Variants in NLRC4 observed in about 807,000 individuals in gnomAD.
NLRC4 encodes NLR family CARD domain-containing protein 4.
NLRC4 carries 63 observed loss-of-function variants against 79.9 expected under a neutral mutation model. That is an observed-to-expected ratio of 0.79 (90% CI 0.64 to 0.97). NLRC4 has a LOEUF of 0.97. NLRC4 is among the 50% of genes least tolerant of loss of function. The pLI is 0.00. For missense variants in NLRC4, 1,074 were observed against 1,215.2 expected (o/e 0.88, Z 1.73); for synonymous variants, 461 against 456.5 (o/e 1.01, Z -0.12).
At chr2:32,262,234 C>T (rs769275208) in intron 1 of NLRC4, among the ~76,000 whole-genome samples, 3 of 152,160 alleles carry the variant, frequency 2.0e-5, no homozygotes, top group Admixed American at 2.0e-4. Flanking sequence ...GACTGGCACA[C>T]AGGAAGGACT....
intron 8 of NLRC4, among the ~76,000 whole-genome samples, chr2:32,229,012 C>G (rs1230553369): frequency 1.3e-5 from 2 of 151,992 alleles, no homozygotes; most frequent in Non-Finnish European, 2.9e-5. Flanking sequence ...GTGATACACC[C>G]ACCTTGGCCT....
At chr2:32,236,864 GA>G (rs1020998082) in intron 6 of NLRC4, among the ~76,000 whole-genome samples, 52 of 64,578 alleles carry the variant, frequency 8.1e-4, no homozygotes, top group Admixed American at 1.1e-3. Flanking sequence ...AAATGGATGA[GA>G]AAAAAAACAA....
At chr2:32,259,638 C>A (rs1349759758) in intron 1 of NLRC4, among the ~76,000 whole-genome samples, 1 of 152,092 alleles carries the variant, frequency 6.6e-6, no homozygotes, top group African/African-American at 2.4e-5. Context: ...CTTTGATGAG[C>A]TGAAAAATGC....
intron 8 of NLRC4, among the ~76,000 whole-genome samples, chr2:32,225,570 C>T (rs1233436147): frequency 6.6e-6 from 1 of 152,140 alleles, no homozygotes; most frequent in Non-Finnish European, 1.5e-5. Flanking sequence ...TACCATCATA[C>T]AGATTGGCCA....
intron 6 of NLRC4, 112 bp downstream of exon 6, chr2:32,238,020 C>G: frequency 1.2e-4 from 81 of 663,010 alleles, no homozygotes; most frequent in Middle Eastern, 8.5e-4. Context: ...TTTTTATTTT[C>G]CAGTTTTCCT....
Position 32,250,748 on chromosome 2 carries a change from C to T in NLRC4, c.1116G>A (p.Gln372=). The change falls in exon 4 of 9, where the codon CAG becomes CAA. Residue 372 remains glutamine, a synonymous_variant. Coordinates refer to ENST00000402280, the MANE Select transcript of NLRC4 (RefSeq NM_001199138.2). This position sits in a 1 kb window ranked among gnomAD's most constrained non-coding sequence, Gnocchi z 4.9. ...LFHTFYDLLI[Q]KNKHKHKGVA... ...CACCTTTATGTTTGTGTTTGTTTTT[C>T]TGTATCAACAGATCATAGAAGGTAT... The T allele has an allele frequency of 6.2e-7, 1 of 1,614,208 alleles. No homozygotes were observed. Among genetic ancestry groups the T allele is most frequent in the East Asian group, 2.2e-5 (1 of 44,886 alleles).
chr2:32,247,624 AAT>A (rs1686968058), intron 4 of NLRC4, among the ~76,000 whole-genome samples: 1 of 151,868 alleles, frequency 6.6e-6, no homozygotes, highest in African/African-American at 2.4e-5. Flanking sequence ...TTTTAATAAA[AAT>A]AGTTTTAATA....
At chr2:32,225,409 ATGTGTGTGTGTGTGTGTGTGTG>A (rs35323064) in intron 8 of NLRC4, among the ~76,000 whole-genome samples, 13 of 149,080 alleles carry the variant, frequency 8.7e-5, no homozygotes, top group African/African-American at 2.5e-4. Flanking sequence ...CATACAAAGG[ATGTGTGTGTGTGTGTGTGTGTG>A]TGTGTGTGTG....
At chr2:32,244,552 A>T (rs1055060464) in intron 4 of NLRC4, among the ~76,000 whole-genome samples, 18 of 152,108 alleles carry the variant, frequency 1.2e-4, no homozygotes, top group African/African-American at 2.4e-4. Flanking sequence ...GGCAAAAAAA[A>T]AAAATAAATA....
intron 6 of NLRC4, 50 bp downstream of exon 6, chr2:32,238,082 C>T (rs1048344648): frequency 7.4e-7 from 1 of 1,342,338 alleles, no homozygotes; most frequent in Non-Finnish European, 1.0e-6. Context: ...ATAATAGTAT[C>T]ACATGTTCTG....
rs1573501528 is a variant in NLRC4 at position 32,256,623 on chromosome 2, G to A, written c.1+152C>T. On this transcript the variant is annotated intron_variant, in intron 2 of 8. Transcript: ENST00000402280. ...CCTTTTATCACAGGTTACCATATTT[G>A]TAACTGAATTCCTAAAACAACAGAA... The A allele has an allele frequency of 1.6e-5, 10 of 643,014 alleles. No individual in the cohort carries two copies. The East Asian group carries it at 2.7e-4, about 17-fold the overall frequency. 39.8% of individuals were successfully genotyped at this position (643,014 alleles called of 1,614,324 possible). A position where few individuals can be genotyped will look rare whatever the true frequency, so the allele number is the denominator to read the frequency against.
chr2:32,231,723 C>T (rs1461518815), intron 8 of NLRC4, among the ~76,000 whole-genome samples: 1 of 152,010 alleles, frequency 6.6e-6, no homozygotes, highest in Non-Finnish European at 1.5e-5. Context: ...GCGTACGCTG[C>T]CACACCCAGC....
chr2:32,233,095 G>A (rs1488841183), intron 8 of NLRC4, among the ~76,000 whole-genome samples: 4 of 138,584 alleles, frequency 2.9e-5, no homozygotes, highest in Admixed American at 7.6e-5. Context: ...GGGCAACAGG[G>A]AGACCCTGTC....
At position 32,242,873 on chromosome 2, in the gene NLRC4, C is replaced by T. The variant is rs554190860; in HGVS notation, c.2258-1748G>A. Among the ~76,000 whole-genome samples the T allele has an allele frequency of 2.0e-5, 3 of 151,694 alleles. No individual in the cohort carries two copies. The South Asian group carries it at 6.3e-4, about 32-fold the overall frequency. Reference sequence around the variant, plus strand: ...ACCAGCCTGGGCAATATATCCAGACCCTATCCCTACAAAATATTTTTTAAA... The same window carrying T: ...ACCAGCCTGGGCAATATATCCAGACTCTATCCCTACAAAATATTTTTTAAA... On this transcript the variant is annotated intron_variant, in intron 4 of 8. Transcript: ENST00000402280.
At chr2:32,234,493 C>T (rs1187460167) in intron 8 of NLRC4, among the ~76,000 whole-genome samples, 3 of 152,182 alleles carry the variant, frequency 2.0e-5, no homozygotes, top group African/African-American at 7.2e-5. Flanking sequence ...AGGCTGTTTT[C>T]ACAAGTCCTT....
intron 6 of NLRC4, 64 bp downstream of exon 6, chr2:32,238,068 T>C (rs1207485443): frequency 3.1e-4 from 349 of 1,131,430 alleles, no homozygotes; most frequent in Non-Finnish European, 3.7e-5. Flanking sequence ...TAGTGTGAAT[T>C]AGTATAATAG....
At chr2:32,244,071 G>A (rs1276107935) in intron 4 of NLRC4, among the ~76,000 whole-genome samples, 2 of 152,044 alleles carry the variant, frequency 1.3e-5, no homozygotes, top group Admixed American at 6.6e-5. Context: ...GCAACATAGC[G>A]AGAACTCGTC....
intron 5 of NLRC4, among the ~76,000 whole-genome samples, chr2:32,239,591 G>A (rs2148935752): frequency 6.6e-6 from 1 of 152,268 alleles, no homozygotes; most frequent in Non-Finnish European, 1.5e-5. Flanking sequence ...GGATTCAATG[G>A]AATGAGGTAT....
intron 3 of NLRC4, among the ~76,000 whole-genome samples, chr2:32,251,833 A>G (rs1164079540): frequency 6.6e-6 from 1 of 152,096 alleles, no homozygotes; most frequent in Non-Finnish European, 1.5e-5. Context: ...ACCAAATCTT[A>G]TAGCAGCTGG....
Sources: allele counts gnomAD v4.1 joint callset (sites outside exome capture counted in the v4.1 genomes callset), GRCh38; gene constraint gnomAD v4.1.1; non-coding constraint Gnocchi (gnomAD v3.1); transcripts MANE v1.5; gene names NCBI Gene and HGNC (gene_info 2026-07-23, HGNC 2026-07-21).